The following TNRC6C variants were observed in gnomAD, a reference collection of about 807,000 sequenced individuals.
TNRC6C encodes trinucleotide repeat-containing gene 6C protein.
Under a neutral mutation model 153.7 loss-of-function variants are expected in TNRC6C, and 20 were observed. The ratio of observed to expected loss-of-function variants is 0.13; its 90% CI spans 0.09 to 0.19. TNRC6C has a LOEUF of 0.19. TNRC6C is among the 10% of genes least tolerant of loss of function. The pLI, the probability that TNRC6C is intolerant of heterozygous loss-of-function variation, is 1.00. For synonymous variants in TNRC6C, 811 were observed against 841.4 expected (o/e 0.96, Z 0.63); for missense variants, 1,987 against 2,172.0 (o/e 0.91, Z 1.69).
chr17:78,068,552 G>A (rs2072926995), intron 5 of TNRC6C, among the ~76,000 whole-genome samples: 1 of 152,142 alleles, frequency 6.6e-6, no homozygotes, highest in Non-Finnish European at 1.5e-5. Context: ...CCGGCACTTT[G>A]GGAGGCCAAA....
intron 1 of TNRC6C, 126 bp downstream of exon 1, chr17:77,959,394 G>A (rs1033162359): frequency 2.0e-5 from 3 of 151,728 alleles, no homozygotes; most frequent in African/African-American, 7.3e-5. Flanking sequence ...TGCGGCGCCA[G>A]GCCCCGGGCC....
At chr17:78,044,523 C>A (rs1355701040) in intron 2 of TNRC6C, among the ~76,000 whole-genome samples, 1 of 152,220 alleles carries the variant, frequency 6.6e-6, no homozygotes, top group Non-Finnish European at 1.5e-5. Context: ...AGAATGTGTG[C>A]TCCATGAGAG....
intron 8 of TNRC6C, among the ~76,000 whole-genome samples, chr17:78,076,665 AAGACCTGGCACACAGCATGACCTC>A (rs1232011949): frequency 6.6e-6 from 1 of 152,202 alleles, no homozygotes; most frequent in Non-Finnish European, 1.5e-5. Context: ...AAATTTGCAA[AAGACCTGGCACACAGCATGACCTC>A]AGTAGATGTT....
At chr17:78,028,919 C>T (rs1165849186) in intron 1 of TNRC6C, among the ~76,000 whole-genome samples, 1 of 152,146 alleles carries the variant, frequency 6.6e-6, no homozygotes, top group Non-Finnish European at 1.5e-5. Flanking sequence ...ACTATTGAGG[C>T]GCCGACTCTT....
At chr17:78,092,936 C>T in exon 15 of TNRC6C, 1 of 1,613,670 alleles carries the variant, frequency 6.2e-7, no homozygotes, top group South Asian at 1.1e-5. Flanking sequence ...CCCATAGGTG[C>T]TATCCCTGGA....
At chr17:78,016,556 G>A (rs115892959) in intron 1 of TNRC6C, among the ~76,000 whole-genome samples, 1 of 152,326 alleles carries the variant, frequency 6.6e-6, no homozygotes, top group African/African-American at 2.4e-5. Flanking sequence ...CAAACTGTTG[G>A]AGATATGGGA....
intron 11 of TNRC6C, among the ~76,000 whole-genome samples, chr17:78,083,763 G>A (rs1450515483): frequency 1.3e-5 from 2 of 152,126 alleles, no homozygotes; most frequent in Admixed American, 1.3e-4. Flanking sequence ...GTCAAGAATG[G>A]CTGATGTGAC....
At chr17:77,962,899 A>C (rs527810677) in intron 1 of TNRC6C, among the ~76,000 whole-genome samples, 2 of 152,350 alleles carry the variant, frequency 1.3e-5, no homozygotes, top group South Asian at 4.1e-4. Flanking sequence ...GATAGTTAAC[A>C]TCTTAATATT....
chr17:78,090,742 C>T (rs1453329270), intron 13 of TNRC6C, among the ~76,000 whole-genome samples: 1 of 152,182 alleles, frequency 6.6e-6, no homozygotes, highest in Non-Finnish European at 1.5e-5. Flanking sequence ...GCTCACCATC[C>T]CAGCTGGGGG....
intron 1 of TNRC6C, among the ~76,000 whole-genome samples, chr17:77,972,821 AGAG>A (rs1316455290): frequency 6.6e-6 from 1 of 152,230 alleles, no homozygotes; most frequent in Non-Finnish European, 1.5e-5. Context: ...AGAAATTAAA[AGAG>A]GAAGGTACAT....
chr17:78,055,883 T>C (rs1032958358), intron 3 of TNRC6C, among the ~76,000 whole-genome samples: 2 of 152,190 alleles, frequency 1.3e-5, no homozygotes, highest in African/African-American at 4.8e-5. Context: ...GGGAGGGAGA[T>C]GGTGAAGTCT....
At chr17:77,982,724 G>A (rs1220667099) in intron 1 of TNRC6C, among the ~76,000 whole-genome samples, 2 of 152,106 alleles carry the variant, frequency 1.3e-5, no homozygotes, top group African/African-American at 2.4e-5. Context: ...CCAGCTACTC[G>A]GGAGGCTAAG....
intron 3 of TNRC6C, among the ~76,000 whole-genome samples, chr17:78,058,711 G>A (rs991410282): frequency 7.9e-5 from 12 of 152,218 alleles, no homozygotes; most frequent in African/African-American, 2.9e-4. Flanking sequence ...TTTGTTGTGT[G>A]TTCATTTTGC....
At position 78,051,027 on chromosome 17, in the gene TNRC6C, G is replaced by T. The variant is rs757674894; in HGVS notation, c.1965G>T (p.Trp655Cys). ...CAAAGGCCAATCCAGGTACAAACTG[G>T]GGGGAGACTTTAAAACCTGGCCCCC... Residue 655 changes from tryptophan (W) to cysteine (C), a missense_variant, in exon 3 of 20, where the codon TGG becomes TGT. Trp to Cys is a radical substitution (Grantham distance 215, BLOSUM62 -2). Transcript: ENST00000301624. The T allele has an allele frequency of 4.3e-6, 7 of 1,613,618 alleles. No individual in the cohort carries two copies. The East Asian group carries it at 1.1e-4, about 26-fold the overall frequency.
At position 78,075,832 on chromosome 17, in the gene TNRC6C, C is replaced by T. The variant is rs536058183; in HGVS notation, c.3060+554C>T. 9.9e-5 allele frequency among the ~76,000 whole-genome samples: 15 copies of T among 151,846 alleles called. No homozygotes were observed. The highest frequency in any genetic ancestry group is 1.9e-4 in the Non-Finnish European group (13 of 67,992). ...ATGCCAGACTGGTGTGACTGCAAAG[C>T]GGAGAAAAGCATTGCACTAAATTCA... On this transcript the variant is annotated intron_variant, in intron 8 of 19. Coordinates refer to ENST00000301624, the Ensembl canonical transcript of TNRC6C. This position sits in a 1 kb window ranked among gnomAD's most constrained non-coding sequence, Gnocchi z 4.2.
chr17:77,984,828 G>A (rs938564664), intron 1 of TNRC6C, among the ~76,000 whole-genome samples: 5 of 149,654 alleles, frequency 3.3e-5, no homozygotes, highest in Admixed American at 2.7e-4. Context: ...CCTCTTATAC[G>A]CACACACACA....
chr17:78,053,868 TAAAC>T (rs1355874012), intron 3 of TNRC6C, among the ~76,000 whole-genome samples: 5 of 152,038 alleles, frequency 3.3e-5, no homozygotes, highest in Admixed American at 6.5e-5. Flanking sequence ...CCCATTTCTT[TAAAC>T]AAACAAACAA....
rs141474678 is a variant in TNRC6C, at chr17:78,071,891, C to A, written c.2859+726C>A. ...CTTAGTTCCTAAGTTTCCAGTCATACGTAGGGAGAATTCATAATTGTAGGG... is the reference window on the plus strand; with the variant it reads ...CTTAGTTCCTAAGTTTCCAGTCATAAGTAGGGAGAATTCATAATTGTAGGG... On this transcript the variant is annotated intron_variant, in intron 6 of 19. Coordinates refer to ENST00000301624, the Ensembl canonical transcript of TNRC6C. 2.5e-3 allele frequency among the ~76,000 whole-genome samples: 376 copies of A among 152,214 alleles called. 1 individual carries two copies. The highest frequency in any genetic ancestry group is 8.7e-3 in the African/African-American group (360 of 41,524).
At chr17:78,073,441 G>A (rs2073033036) in intron 7 of TNRC6C, among the ~76,000 whole-genome samples, 1 of 152,216 alleles carries the variant, frequency 6.6e-6, no homozygotes, top group African/African-American at 2.4e-5. Flanking sequence ...GCCCCAGAAC[G>A]GACTTGCCTA....
Sources: gnomAD v4.1 joint callset for allele counts (sites outside exome capture counted in the v4.1 genomes callset) on GRCh38, gnomAD v4.1.1 for gene constraint, Gnocchi (gnomAD v3.1) non-coding constraint, MANE v1.5 for transcripts, NCBI Gene and HGNC (gene_info 2026-07-23, HGNC 2026-07-21) for gene names.